The following CHD1L variants were observed in gnomAD, a reference collection of about 807,000 sequenced individuals.
CHD1L encodes chromodomain helicase DNA binding protein 1 like.
Under a neutral mutation model 115.9 loss-of-function variants are expected in CHD1L, and 118 were observed. The observed-to-expected ratio is 1.02, with a 90% CI of 0.88 to 1.19. CHD1L has a LOEUF of 1.19. Ranked by LOEUF, CHD1L falls within the 50% of genes most tolerant of loss-of-function variation. The pLI, the probability that CHD1L is intolerant of heterozygous loss-of-function variation, is 0.00. For synonymous variants in CHD1L, 411 were observed against 387.1 expected (o/e 1.06, Z -0.72); for missense variants, 1,179 against 1,065.3 (o/e 1.11, Z -1.49).
intron 12 of CHD1L, 197 bp downstream of exon 12, chr1:147,272,478 A>T (rs1258778621): frequency 4.3e-6 from 2 of 465,236 alleles, no homozygotes; most frequent in Non-Finnish European, 7.6e-6. Context: ...GCAAAGAAGT[A>T]AGGCTGAAAC....
At chr1:147,182,431 T>C in the CHD1L span, among the ~76,000 whole-genome samples, 2 of 152,244 alleles carry the variant, frequency 1.3e-5, no homozygotes, top group African/African-American at 2.4e-5. Flanking sequence ...AGAACTGTTA[T>C]ATCATCTCAG....
chr1:147,253,708 G>T (rs7514759), intron 2 of CHD1L, among the ~76,000 whole-genome samples: 1 of 152,026 alleles, frequency 6.6e-6, no homozygotes, highest in South Asian at 2.1e-4. Context: ...ATGTTGCCCA[G>T]GCTGGCCTTG....
At chr1:147,244,397 A>G (rs587638090) in intron 1 of CHD1L, among the ~76,000 whole-genome samples, 1 of 152,322 alleles carries the variant, frequency 6.6e-6, no homozygotes, top group African/African-American at 2.4e-5. Flanking sequence ...ACTGAATATT[A>G]TAACTTGTAA....
intron 19 of CHD1L, among the ~76,000 whole-genome samples, chr1:147,290,066 A>G (rs1684899782): frequency 1.3e-5 from 2 of 152,188 alleles, no homozygotes; most frequent in Non-Finnish European, 2.9e-5. Context: ...CAGGGTCTGT[A>G]AAATAAAAGG....
intron 14 of CHD1L, among the ~76,000 whole-genome samples, chr1:147,277,666 A>G (rs1403648082): frequency 6.6e-6 from 1 of 152,138 alleles, no homozygotes; most frequent in Non-Finnish European, 1.5e-5. Context: ...CAGGCTGTAC[A>G]TTTTGTTTTC....
intron 12 of CHD1L, 44 bp from the exon 13 acceptor site, chr1:147,275,310 C>A: frequency 7.0e-7 from 1 of 1,429,516 alleles, no homozygotes; most frequent in Non-Finnish European, 9.9e-7. Context: ...TCTAGCTCCT[C>A]GTCTTTGTGC....
chr1:147,269,311 G>C (rs1157271243), intron 10 of CHD1L, among the ~76,000 whole-genome samples: 1 of 152,078 alleles, frequency 6.6e-6, no homozygotes, highest in Non-Finnish European at 1.5e-5. Context: ...TAACCTGTGG[G>C]GTTTGATTTA....
At position 147,291,530 on chromosome 1, in the gene CHD1L, CAAG is replaced by C. The variant is rs1685529567; in HGVS notation, c.2372_2374del (p.Arg791del). ...TTATTTCCTGTTGATGATAAAGAAT[CAAG>C]AAACAAAGGGCAAGATTTGGTAAGT... On this transcript the variant is annotated inframe_deletion, in exon 20 of 23. Coordinates refer to ENST00000369258, the MANE Select transcript of CHD1L (RefSeq NM_004284.6). 1 of 1,613,818 alleles carries C rather than the reference CAAG, an allele frequency of 6.2e-7. No homozygotes were observed. Among genetic ancestry groups the C allele is most frequent in the East Asian group, 2.2e-5 (1 of 44,866 alleles).
the CHD1L span, among the ~76,000 whole-genome samples, chr1:147,227,552 C>T: frequency 6.6e-6 from 1 of 152,172 alleles, no homozygotes; most frequent in Admixed American, 6.5e-5. Context: ...CTCAAATGTT[C>T]TCTCTCTTGC....
At chr1:147,239,058 C>T (rs1249461180), upstream of CHD1L, among the ~76,000 whole-genome samples, 4 of 152,180 alleles carry the variant, frequency 2.6e-5, no homozygotes, top group South Asian at 2.1e-4. Flanking sequence ...CAATTGATAA[C>T]GCCCAAAGCC....
the CHD1L span, among the ~76,000 whole-genome samples, chr1:147,228,819 G>A: frequency 2.0e-5 from 3 of 152,186 alleles, no homozygotes; most frequent in Admixed American, 6.5e-5. Context: ...TTTGAGAAGT[G>A]TCTCTTCATT....
chr1:147,256,440 C>A lies in CHD1L; in HGVS notation c.463-91C>A, dbSNP rs1217910513. On this transcript the variant is annotated intron_variant, in intron 4 of 22. Coordinates refer to ENST00000369258, the MANE Select transcript of CHD1L (RefSeq NM_004284.6). The stretch of plus-strand genomic sequence containing the variant: ...TGAACAAATGAGACTTAGATAAATC[C>A]TATAGTTTAAGAGAGTTCACAGAAA... 3 of 1,133,482 alleles carry A rather than the reference C, an allele frequency of 2.6e-6. No individual in the cohort carries two copies. In the Admixed American group the frequency reaches 5.9e-5, roughly 22 times the overall value. The allele number at this position is 1,133,482 out of a possible 1,614,324, so 70.2% of individuals were successfully genotyped here.
chr1:147,236,057 A>G, the CHD1L span, among the ~76,000 whole-genome samples: 3 of 152,192 alleles, frequency 2.0e-5, no homozygotes, highest in Non-Finnish European at 4.4e-5. Context: ...TCCAGCCACT[A>G]TGCACAGCCA....
chr1:147,290,400 G>C (rs1685038640), intron 19 of CHD1L, among the ~76,000 whole-genome samples: 1 of 152,158 alleles, frequency 6.6e-6, no homozygotes, highest in African/African-American at 2.4e-5. Context: ...TTTTTAAGGA[G>C]AAATGAGGAA....
chr1:147,265,889 C>T, intron 7 of CHD1L, 43 bp from the exon 8 acceptor site: 1 of 1,566,566 alleles, frequency 6.4e-7, no homozygotes, highest in Non-Finnish European at 8.6e-7. Context: ...TGCCTTGGTT[C>T]TACTTTTGTC....
chr1:147,188,821 T>C, the CHD1L span, among the ~76,000 whole-genome samples: 1 of 147,548 alleles, frequency 6.8e-6, no homozygotes, highest in Admixed American at 6.8e-5. Context: ...GTTCAGGAGG[T>C]GGTTAGACAA....
At chr1:147,243,303 C>A (rs1665441201) in intron 1 of CHD1L, among the ~76,000 whole-genome samples, 1 of 152,144 alleles carries the variant, frequency 6.6e-6, no homozygotes, top group Non-Finnish European at 1.5e-5. Context: ...TTGGAGAATT[C>A]GCCACGGATT....
intron 1 of CHD1L, among the ~76,000 whole-genome samples, chr1:147,248,774 G>C (rs989969221): frequency 6.6e-6 from 1 of 152,174 alleles, no homozygotes; most frequent in African/African-American, 2.4e-5. Context: ...TAAAATCACA[G>C]ACTACTGATA....
the CHD1L span, among the ~76,000 whole-genome samples, chr1:147,206,821 GTTAATGGATGTAAATGACA>G: frequency 0.19 from 8,456 of 45,620 alleles, 266 homozygotes; most frequent in African/African-American, 0.45. Flanking sequence ...TAAATGACAA[GTTAATGGATGTAAATGACA>G]AGTTAATGGG....
Sources: gnomAD v4.1 joint callset for allele counts (sites outside exome capture counted in the v4.1 genomes callset) on GRCh38, gnomAD v4.1.1 for gene constraint, MANE v1.5 for transcripts, NCBI Gene and HGNC (gene_info 2026-07-23, HGNC 2026-07-21) for gene names.